The following TRNAU1AP variants were observed in gnomAD, a reference collection of about 807,000 sequenced individuals.
The protein encoded by TRNAU1AP is tRNA selenocysteine 1-associated protein 1.
A neutral mutation model predicts 43.3 loss-of-function variants in TRNAU1AP; 33 were observed. That is an observed-to-expected ratio of 0.76 (90% CI 0.58 to 1.02). TRNAU1AP has a LOEUF of 1.02. Ranked by LOEUF, TRNAU1AP falls within the 50% of genes least tolerant of loss-of-function variation. The pLI, the probability that TRNAU1AP is intolerant of heterozygous loss-of-function variation, is 0.00. For missense variants in TRNAU1AP, 290 were observed against 362.7 expected, an observed-to-expected ratio of 0.80 and a Z score of 1.63; for synonymous variants, 143 against 129.1, an observed-to-expected ratio of 1.11 and a Z score of -0.73.
At chr1:28,563,042 C>T (rs1277039954) in intron 4 of TRNAU1AP, among the ~76,000 whole-genome samples, 3 of 151,384 alleles carry the variant, frequency 2.0e-5, no homozygotes, top group Admixed American at 2.0e-4. Flanking sequence ...ATTACAGGCA[C>T]CTGCCAATGC....
chr1:28,567,775 GAAA>G (rs148223160), intron 6 of TRNAU1AP, among the ~76,000 whole-genome samples: 9 of 152,232 alleles, frequency 5.9e-5, no homozygotes, highest in Admixed American at 4.6e-4. Flanking sequence ...GAATAAAGGG[GAAA>G]AAATTACTTC....
At chr1:28,574,919 G>T (rs1303213867) in intron 8 of TRNAU1AP, among the ~76,000 whole-genome samples, 1 of 151,950 alleles carries the variant, frequency 6.6e-6, no homozygotes. Flanking sequence ...GTGACCTTGT[G>T]GGGTGGGCTG....
Position 28,571,872 on chromosome 1 carries a change from T to C in TRNAU1AP, c.699T>C (p.Tyr233=), listed in dbSNP as rs1266317531. 1.2e-6 allele frequency: 2 copies of C among 1,613,024 alleles called. No individual in the cohort carries two copies. The highest frequency in any genetic ancestry group is 1.7e-5 in the Admixed American group (1 of 59,836). Residue 233 remains tyrosine (Y), a synonymous_variant, in exon 8 of 9, where the codon TAT becomes TAC. Transcript: ENST00000373830. ...CATCTCTGGTCTCTTGGCAGACATA[T>C]GAAGAAGTTGGAGATGATGCATTGG... ...YGYTQSTMQT[Y]EEVGDDALED...
chr1:28,555,980 A>G (rs894569516), intron 2 of TRNAU1AP, among the ~76,000 whole-genome samples: 1 of 151,820 alleles, frequency 6.6e-6, no homozygotes, highest in Non-Finnish European at 1.5e-5. Context: ...CAGCCTCCCA[A>G]GTAGCTGGGA....
chr1:28,575,081 G>A (rs1191759858), intron 8 of TRNAU1AP, among the ~76,000 whole-genome samples: 1 of 152,170 alleles, frequency 6.6e-6, no homozygotes, highest in Non-Finnish European at 1.5e-5. Flanking sequence ...GGGAGACATT[G>A]CCTTCTTTCT....
At chr1:28,561,839 A>G (rs538120781) in intron 4 of TRNAU1AP, among the ~76,000 whole-genome samples, 24 of 152,192 alleles carry the variant, frequency 1.6e-4, no homozygotes, top group Admixed American at 3.9e-4. Context: ...TTGGGAGGCC[A>G]AGGCGGGCGG....
chr1:28,574,071 C>A (rs958112339), intron 8 of TRNAU1AP, among the ~76,000 whole-genome samples: 8 of 149,896 alleles, frequency 5.3e-5, no homozygotes, highest in Non-Finnish European at 7.4e-5. Context: ...TAACGAGACC[C>A]CATCTCTTTT....
chr1:28,565,320 A>C (rs968459867), intron 5 of TRNAU1AP: 1 of 157,584 alleles, frequency 6.3e-6, no homozygotes, highest in African/African-American at 2.4e-5. Context: ...TGCCGTCTCT[A>C]TTAAAATACA....
intron 4 of TRNAU1AP, among the ~76,000 whole-genome samples, chr1:28,563,764 A>T (rs1353582399): frequency 2.0e-5 from 3 of 152,094 alleles, no homozygotes; most frequent in East Asian, 3.9e-4. Flanking sequence ...AGGCAAGAGA[A>T]TCGCTTAAAC....
chr1:28,561,150 G>A (rs1010075203), intron 3 of TRNAU1AP, 196 bp from the exon 4 acceptor site: 2 of 1,421,760 alleles, frequency 1.4e-6, no homozygotes, highest in African/African-American at 2.9e-5. Context: ...GCACACCTGG[G>A]CTCATAGAAC....
At chr1:28,575,396 G>C (rs977549443) in intron 8 of TRNAU1AP, among the ~76,000 whole-genome samples, 1 of 151,126 alleles carries the variant, frequency 6.6e-6, no homozygotes, top group African/African-American at 2.4e-5. Flanking sequence ...CTCATGATCC[G>C]CCCGCCTCTG....
chr1:28,558,198 G>T (rs1430360548), intron 2 of TRNAU1AP, among the ~76,000 whole-genome samples: 2 of 144,786 alleles, frequency 1.4e-5, no homozygotes, highest in Non-Finnish European at 3.0e-5. Flanking sequence ...TGCCCAGCCC[G>T]CCCTGCTAAT....
intron 4 of TRNAU1AP, among the ~76,000 whole-genome samples, chr1:28,562,675 G>A (rs1570250181): frequency 6.6e-6 from 1 of 151,646 alleles, no homozygotes. Flanking sequence ...CCGCCTCCCG[G>A]GTTCATGCCG....
chr1:28,555,184 C>G (rs564688253), intron 2 of TRNAU1AP, among the ~76,000 whole-genome samples: 2 of 150,780 alleles, frequency 1.3e-5, no homozygotes, highest in East Asian at 3.9e-4. Flanking sequence ...GAGCCGAGAT[C>G]GCGCCATTGC....
At chr1:28,556,144 G>A (rs1001872420) in intron 2 of TRNAU1AP, among the ~76,000 whole-genome samples, 12 of 151,668 alleles carry the variant, frequency 7.9e-5, no homozygotes, top group African/African-American at 2.7e-4. Context: ...GAGCCACCGC[G>A]CCCGGCCCCT....
At chr1:28,566,122 C>T (rs1304973411) in intron 5 of TRNAU1AP, among the ~76,000 whole-genome samples, 1 of 151,946 alleles carries the variant, frequency 6.6e-6, no homozygotes, top group African/African-American at 2.4e-5. Context: ...CAAGACTAGC[C>T]TGGCCAACAT....
In TRNAU1AP at chr1:28,570,194, C is replaced by T. The variant is rs572752106; in HGVS notation, c.531-982C>T. Among the ~76,000 whole-genome samples the T allele has an allele frequency of 2.6e-5, 4 of 152,240 alleles. No individual in the cohort carries two copies. The East Asian group carries it at 5.8e-4, about 22-fold the overall frequency. ...GGCCTCCCAGGATCAAGCGATTCTC[C>T]TTCCTTAGCCTCCCAAGTGGCTGGG... is the stretch of plus-strand genomic sequence containing the variant. On this transcript the variant is annotated intron_variant, in intron 6 of 8. Coordinates refer to ENST00000373830, the MANE Select transcript of TRNAU1AP (RefSeq NM_017846.5).
intron 2 of TRNAU1AP, among the ~76,000 whole-genome samples, chr1:28,557,928 C>CTCTG (rs148642249): frequency 0.38 from 56,971 of 148,480 alleles, 12,465 homozygotes; most frequent in African/African-American, 0.59. Flanking sequence ...GAGGCAGAGT[C>CTCTG]TCTGTCGCCC....
chr1:28,553,116 G>T lies in TRNAU1AP; in HGVS notation c.6G>T (p.Ala2=). The change falls in exon 1 of 9, where the codon GCG becomes GCT. Residue 2 remains alanine, a synonymous_variant. Coordinates refer to ENST00000373830, the MANE Select transcript of TRNAU1AP (RefSeq NM_017846.5). M[A]ASLWMGDLEP... ...CCCCACCCCGGTGCGCGGGTATGGC[G>T]GCCAGCCTGTGGATGGGCGACGTGA... The T allele has an allele frequency of 6.6e-7, 1 of 1,522,252 alleles. No homozygotes were observed. The highest frequency in any genetic ancestry group is 2.6e-5 in the East Asian group (1 of 38,772). 94.3% of individuals were successfully genotyped at this position (1,522,252 alleles called of 1,614,324 possible). A position where few individuals can be genotyped will look rare whatever the true frequency, so the allele number is the denominator to read the frequency against.
Sources: gnomAD v4.1 joint callset for allele counts (sites outside exome capture counted in the v4.1 genomes callset) on GRCh38, gnomAD v4.1.1 for gene constraint, MANE v1.5 for transcripts, NCBI Gene and HGNC (gene_info 2026-07-23, HGNC 2026-07-21) for gene names.